The following SEMA3D variants were observed in gnomAD, a reference collection of about 807,000 sequenced individuals.
SEMA3D encodes semaphorin-3D.
In SEMA3D, 84 loss-of-function variants were observed where a neutral mutation model predicts 100.1. That is an observed-to-expected ratio of 0.84 (90% CI 0.70 to 1.01). SEMA3D has a LOEUF of 1.01. Ranked by LOEUF, SEMA3D falls within the 50% of genes least tolerant of loss-of-function variation. The pLI, the probability that SEMA3D is intolerant of heterozygous loss-of-function variation, is 0.00. For synonymous variants in SEMA3D, 312 were observed against 320.7 expected, an observed-to-expected ratio of 0.97 and a Z score of 0.29; for missense variants, 875 against 934.1, an observed-to-expected ratio of 0.94 and a Z score of 0.82.
At chr7:85,033,445 C>T (rs886287084) in intron 12 of SEMA3D, among the ~76,000 whole-genome samples, 4 of 152,186 alleles carry the variant, frequency 2.6e-5, no homozygotes, top group South Asian at 4.1e-4. Flanking sequence ...GCAGGGAAGG[C>T]GGTGACAACC....
intron 2 of SEMA3D, chr7:85,142,286 G>A (rs2116464603): frequency 1.0e-6 from 1 of 980,280 alleles, no homozygotes. Flanking sequence ...AAAACACTGA[G>A]AAAGTACTTA....
At chr7:85,170,136 T>C (rs954740627) in intron 1 of SEMA3D, among the ~76,000 whole-genome samples, 50 of 151,810 alleles carry the variant, frequency 3.3e-4, no homozygotes, top group Non-Finnish European at 5.9e-5. Context: ...GCCCTAAATA[T>C]TAAACATACA....
chr7:85,155,443 T>C (rs1790563217), intron 1 of SEMA3D, among the ~76,000 whole-genome samples: 1 of 152,144 alleles, frequency 6.6e-6, no homozygotes, highest in South Asian at 2.1e-4. Flanking sequence ...GTTCATTAGT[T>C]ATTTTGTTTT....
At chr7:85,151,238 C>A (rs1173989121) in intron 2 of SEMA3D, among the ~76,000 whole-genome samples, 2 of 151,872 alleles carry the variant, frequency 1.3e-5, no homozygotes, top group Non-Finnish European at 2.9e-5. Context: ...TGTTGTCAAC[C>A]CAAGAAAATG....
chr7:85,178,279 A>G (rs1791296128), intron 1 of SEMA3D, among the ~76,000 whole-genome samples: 1 of 152,182 alleles, frequency 6.6e-6, no homozygotes, highest in Non-Finnish European at 1.5e-5. Context: ...AAAATGTGGA[A>G]GCGACTTTGG....
At chr7:85,239,947 C>G in the SEMA3D span, among the ~76,000 whole-genome samples, 1 of 152,264 alleles carries the variant, frequency 6.6e-6, no homozygotes, top group South Asian at 2.1e-4. Context: ...TCTACATAAT[C>G]ATGTTTTCTA....
intron 15 of SEMA3D, 108 bp downstream of exon 15, chr7:85,018,144 T>G (rs1790155466): frequency 1.4e-6 from 1 of 737,614 alleles, no homozygotes; most frequent in African/African-American, 1.8e-5. Context: ...ATGTTTTAAA[T>G]TTCTTAAAAT....
intron 8 of SEMA3D, among the ~76,000 whole-genome samples, chr7:85,062,024 CT>C (rs1791491245): frequency 6.6e-6 from 1 of 152,106 alleles, no homozygotes; most frequent in East Asian, 1.9e-4. Context: ...TGTAGTGAGG[CT>C]GCAAAGAGCA....
At chr7:85,186,452 G>A (rs1791554548) in intron 1 of SEMA3D, among the ~76,000 whole-genome samples, 2 of 152,114 alleles carry the variant, frequency 1.3e-5, no homozygotes, top group Non-Finnish European at 2.9e-5. Context: ...TGCGCCCCAG[G>A]GGCCGCGCTG....
chr7:85,082,983 C>A (rs961724210), intron 4 of SEMA3D, among the ~76,000 whole-genome samples: 1 of 152,164 alleles, frequency 6.6e-6, no homozygotes, highest in Non-Finnish European at 1.5e-5. Flanking sequence ...TCTACTATCA[C>A]ACAACTTTAA....
intron 15 of SEMA3D, among the ~76,000 whole-genome samples, chr7:85,017,457 A>G (rs1235639233): frequency 6.6e-6 from 1 of 151,764 alleles, no homozygotes; most frequent in Non-Finnish European, 1.5e-5. Flanking sequence ...CAAATAAATG[A>G]CAAAGCCCTG....
intron 3 of SEMA3D, among the ~76,000 whole-genome samples, chr7:85,111,011 C>A (rs1299676117): frequency 2.0e-5 from 3 of 152,006 alleles, no homozygotes; most frequent in African/African-American, 4.8e-5. Context: ...GACTTTGACA[C>A]CACTGATTAT....
chr7:85,127,750 G>T (rs1789606806), intron 2 of SEMA3D, among the ~76,000 whole-genome samples: 1 of 152,040 alleles, frequency 6.6e-6, no homozygotes, highest in African/African-American at 2.4e-5. Flanking sequence ...AATTTGAAGG[G>T]TCAGAGAAAG....
At chr7:85,025,851 C>T (rs4141132) in intron 12 of SEMA3D, among the ~76,000 whole-genome samples, 57,871 of 151,892 alleles carry the variant, frequency 0.38, 12,080 homozygotes, top group African/African-American at 0.57. Flanking sequence ...GGCAAACATA[C>T]AGAGGTAATT....
chr7:85,116,205 C>A (rs1789236589), intron 3 of SEMA3D, among the ~76,000 whole-genome samples: 1 of 148,308 alleles, frequency 6.7e-6, no homozygotes, highest in Admixed American at 6.8e-5. Context: ...TGTATATATG[C>A]ACATATACAT....
intron 2 of SEMA3D, among the ~76,000 whole-genome samples, chr7:85,125,587 A>G (rs1236442124): frequency 1.3e-5 from 2 of 152,096 alleles, no homozygotes; most frequent in Non-Finnish European, 2.9e-5. Flanking sequence ...AAATGGTGAA[A>G]CTGCTGGAAC....
the SEMA3D span, among the ~76,000 whole-genome samples, chr7:85,218,321 T>C: frequency 2.0e-5 from 3 of 152,132 alleles, no homozygotes; most frequent in Non-Finnish European, 4.4e-5. Flanking sequence ...TACCAGTACA[T>C]TGTACACATT....
chr7:85,242,105 C>T, the SEMA3D span, among the ~76,000 whole-genome samples: 1 of 151,978 alleles, frequency 6.6e-6, no homozygotes, highest in Non-Finnish European at 1.5e-5. Flanking sequence ...AGTAATCCAT[C>T]TTATGGACCT....
At chr7:85,038,605 A>C (rs187869768) in intron 11 of SEMA3D, among the ~76,000 whole-genome samples, 7 of 152,326 alleles carry the variant, frequency 4.6e-5, no homozygotes, top group East Asian at 3.9e-4. Context: ...GGAGAAAAAA[A>C]CGAACTATCT....
Sources: allele counts gnomAD v4.1 joint callset (sites outside exome capture counted in the v4.1 genomes callset), GRCh38; gene constraint gnomAD v4.1.1; transcripts MANE v1.5; gene names NCBI Gene and HGNC (gene_info 2026-07-23, HGNC 2026-07-21).